Variants in NRG3 observed in about 807,000 individuals in gnomAD.
NRG3 encodes the protein neuregulin 3.
A neutral mutation model predicts 66.9 loss-of-function variants in NRG3; 31 were observed. That is an observed-to-expected ratio of 0.46 (90% confidence interval 0.35 to 0.63). The LOEUF (loss-of-function observed/expected upper bound fraction) is 0.63, where lower values mean the gene tolerates loss of function less well. Among genes scored for constraint, NRG3 ranks in the 20% least tolerant of loss-of-function variants. The pLI, the probability that NRG3 is intolerant of heterozygous loss-of-function variation, is 0.00. For missense variants in NRG3, 910 were observed against 878.9 expected (o/e 1.04, Z -0.45); for synonymous variants, 393 against 359.4 (o/e 1.09, Z -1.06).
At chr10:82,229,551 C>G (rs940429315) in intron 1 of NRG3, among the ~76,000 whole-genome samples, 23 of 152,196 alleles carry the variant, frequency 1.5e-4, no homozygotes, top group Admixed American at 1.5e-3. Flanking sequence ...AATTGACTCA[C>G]AGTTCTGCAT....
chr10:82,576,052 T>G (rs1385922178), intron 2 of NRG3, among the ~76,000 whole-genome samples: 3 of 151,712 alleles, frequency 2.0e-5, no homozygotes, highest in African/African-American at 7.2e-5. Flanking sequence ...CAACCTATAT[T>G]GTATCCCTTC....
At chr10:81,967,576 G>A (rs1439979139) in intron 1 of NRG3, among the ~76,000 whole-genome samples, 1 of 151,682 alleles carries the variant, frequency 6.6e-6, no homozygotes, top group Non-Finnish European at 1.5e-5. Flanking sequence ...TTTTATTTAT[G>A]CGTGCTTATA....
intron 1 of NRG3, among the ~76,000 whole-genome samples, chr10:82,115,790 T>G (rs2067672590): frequency 6.6e-6 from 1 of 152,142 alleles, no homozygotes; most frequent in South Asian, 2.1e-4. Context: ...TCTAGCCTAG[T>G]GGACTAGCAC....
At chr10:82,269,679 A>G (rs963502185) in intron 1 of NRG3, among the ~76,000 whole-genome samples, 5 of 152,168 alleles carry the variant, frequency 3.3e-5, no homozygotes, top group African/African-American at 1.2e-4. Flanking sequence ...TATGTCTACT[A>G]GTTTTGTGCA....
chr10:82,661,599 GTGTT>G (rs929615215), intron 2 of NRG3, among the ~76,000 whole-genome samples: 10 of 152,298 alleles, frequency 6.6e-5, no homozygotes, highest in South Asian at 4.1e-4. Context: ...GTGTGTGTGT[GTGTT>G]TGTGTGTATG....
chr10:82,839,899 A>G lies in NRG3; in HGVS notation c.1028-25512A>G, dbSNP rs571492322. 1.2e-4 allele frequency among the ~76,000 whole-genome samples: 19 copies of G among 152,272 alleles called. No individual in the cohort carries two copies. In the South Asian group the frequency reaches 3.7e-3, roughly 30 times the overall value. On this transcript the variant is annotated intron_variant, in intron 3 of 8. Coordinates refer to ENST00000372141, the MANE Select transcript of NRG3 (RefSeq NM_001010848.4). ...ATTTATATCTATCTATAGGTATTAAATATCCCAAGAATGTACAGATATCTC... is the reference window on the plus strand; with the variant it reads ...ATTTATATCTATCTATAGGTATTAAGTATCCCAAGAATGTACAGATATCTC...
chr10:82,689,515 C>A (rs1374695899), intron 2 of NRG3, among the ~76,000 whole-genome samples: 1 of 152,094 alleles, frequency 6.6e-6, no homozygotes, highest in African/African-American at 2.4e-5. Context: ...ATGACTAAAG[C>A]CTACTACTAA....
intron 1 of NRG3, among the ~76,000 whole-genome samples, chr10:82,242,082 T>A (rs923959198): frequency 6.6e-6 from 1 of 152,188 alleles, no homozygotes; most frequent in Non-Finnish European, 1.5e-5. Context: ...TGTACAACAT[T>A]TATATAGTGA....
intron 2 of NRG3, among the ~76,000 whole-genome samples, chr10:82,480,920 G>C (rs1462920849): frequency 6.6e-6 from 1 of 152,208 alleles, no homozygotes; most frequent in Non-Finnish European, 1.5e-5. Flanking sequence ...ACCAGTGTTG[G>C]AGGACGATTT....
intron 3 of NRG3, among the ~76,000 whole-genome samples, chr10:82,792,233 T>C (rs1401885583): frequency 2.0e-5 from 3 of 152,154 alleles, no homozygotes; most frequent in Non-Finnish European, 4.4e-5. Flanking sequence ...TACTTTATCA[T>C]CTGGAAGTAA....
chr10:82,312,896 G>A (rs1437948559), intron 1 of NRG3, among the ~76,000 whole-genome samples: 1 of 152,082 alleles, frequency 6.6e-6, no homozygotes, highest in African/African-American at 2.4e-5. Context: ...TTAATTGTTG[G>A]CTGTCAACGG....
intron 2 of NRG3, among the ~76,000 whole-genome samples, chr10:82,384,515 T>A (rs2085849832): frequency 6.6e-6 from 1 of 152,168 alleles, no homozygotes; most frequent in Admixed American, 6.5e-5. Flanking sequence ...CACTTATAAG[T>A]TAGAATATGC....
chr10:82,024,780 T>G (rs940799456), intron 1 of NRG3, among the ~76,000 whole-genome samples: 7 of 152,210 alleles, frequency 4.6e-5, no homozygotes, highest in African/African-American at 7.2e-5. Flanking sequence ...CTTCCTACAT[T>G]AAATTCAGTG....
chr10:82,511,545 G>C (rs1032118929), intron 2 of NRG3, among the ~76,000 whole-genome samples: 1 of 152,150 alleles, frequency 6.6e-6, no homozygotes, highest in African/African-American at 2.4e-5. Context: ...ATTCAGAGCT[G>C]GTGAACAAGT....
intron 1 of NRG3, among the ~76,000 whole-genome samples, chr10:82,341,061 T>C (rs1271116115): frequency 1.3e-5 from 2 of 152,206 alleles, no homozygotes; most frequent in African/African-American, 2.4e-5. Context: ...GTGATTATTA[T>C]GCATTGCATA....
chr10:82,062,857 A>G (rs17655804), intron 1 of NRG3, among the ~76,000 whole-genome samples: 5,458 of 152,230 alleles, frequency 0.036, 134 homozygotes, highest in East Asian at 0.05. Context: ...CTTGCTGTGT[A>G]TTCAGAGCAT....
intron 4 of NRG3, among the ~76,000 whole-genome samples, chr10:82,876,348 T>C (rs1229503127): frequency 1.3e-5 from 2 of 152,224 alleles, no homozygotes; most frequent in Non-Finnish European, 2.9e-5. Flanking sequence ...AGTAATTATA[T>C]AGTGATAGAT....
At chr10:82,895,870 T>C (rs900737639) in intron 4 of NRG3, among the ~76,000 whole-genome samples, 3 of 152,226 alleles carry the variant, frequency 2.0e-5, no homozygotes, top group Non-Finnish European at 4.4e-5. Flanking sequence ...TGCTGTTTAC[T>C]GGCTGGCCTA....
chr10:82,375,540 A>AT (rs1031128464), intron 2 of NRG3, among the ~76,000 whole-genome samples: 2 of 151,832 alleles, frequency 1.3e-5, no homozygotes, highest in African/African-American at 4.8e-5. Context: ...CCATCTCAAA[A>AT]AAAAAAAAAA....
Sources: gnomAD v4.1 joint callset for allele counts (sites outside exome capture counted in the v4.1 genomes callset) on GRCh38, gnomAD v4.1.1 for gene constraint, MANE v1.5 for transcripts, NCBI Gene and HGNC (gene_info 2026-07-23, HGNC 2026-07-21) for gene names.